ACSF2: variants seen among roughly 807,000 people sequenced by gnomAD.
ACSF2 encodes the protein acyl-CoA synthetase family member 2, also known as medium-chain acyl-CoA ligase ACSF2, mitochondrial.
A neutral mutation model predicts 79.3 loss-of-function variants in ACSF2; 52 were observed. The ratio of observed to expected loss-of-function variants is 0.66; its 90% CI spans 0.53 to 0.83. The LOEUF is 0.83. Ranked by LOEUF, ACSF2 falls within the 40% of genes least tolerant of loss-of-function variation. The probability of loss-of-function intolerance (pLI) is 0.00; values close to 1 mark genes in which losing one functional copy is unlikely to be tolerated. For synonymous variants in ACSF2, 283 were observed against 312.6 expected (o/e 0.91, Z 1.00); for missense variants, 661 against 803.3 (o/e 0.82, Z 2.14).
At position 50,461,803 on chromosome 17, in the gene ACSF2, A is replaced by C. The variant is rs1163011284; in HGVS notation, c.507+117A>C. The C allele has an allele frequency of 3.8e-6, 5 of 1,317,488 alleles. No homozygotes were observed. The African/African-American group carries it at 5.9e-5, about 15-fold the overall frequency. The allele number at this position is 1,317,488 out of a possible 1,614,324, so 81.6% of individuals were successfully genotyped here. ...GGGCATGCATAGGCGGGTGATACGC[A>C]GAGTGTCCTTCCTTAGGCCATGTGT... On this transcript the variant is annotated intron_variant, in intron 4 of 15. Coordinates refer to ENST00000300441, the MANE Select transcript of ACSF2 (RefSeq NM_025149.6).
intron 1 of ACSF2, among the ~76,000 whole-genome samples, chr17:50,431,626 C>T (rs2029934908): frequency 1.3e-5 from 2 of 152,210 alleles, no homozygotes; most frequent in Admixed American, 6.5e-5. Context: ...TCCCAAGTAG[C>T]TAGGACTACA....
Position 50,443,327 on chromosome 17 carries a change from A to G in ACSF2, c.128+16938A>G, listed in dbSNP as rs183802043. On this transcript the variant is annotated intron_variant, in intron 1 of 15. Transcript: ENST00000300441. Reference sequence around the variant, plus strand: ...GATTCTCCATGGCAGACCTGTTTCAAAAGGTATGCATATTCAGAATGTTAG... The same window carrying G: ...GATTCTCCATGGCAGACCTGTTTCAGAAGGTATGCATATTCAGAATGTTAG... 2.2e-3 allele frequency among the ~76,000 whole-genome samples: 333 copies of G among 152,354 alleles called. 1 individual carries two copies. The highest frequency in any genetic ancestry group is 7.6e-3 in the African/African-American group (318 of 41,586).
chr17:50,455,190 C>T (rs1487239006), intron 1 of ACSF2, among the ~76,000 whole-genome samples: 1 of 152,170 alleles, frequency 6.6e-6, no homozygotes, highest in African/African-American at 2.4e-5. Context: ...ACCATGTTGG[C>T]CTGGCTGGTC....
At position 50,463,151 on chromosome 17, in the gene ACSF2, G is replaced by T; in HGVS notation, c.793-5G>T. The T allele has an allele frequency of 6.2e-7, 1 of 1,613,494 alleles. No individual in the cohort carries two copies. The highest frequency in any genetic ancestry group is 1.7e-5 in the Admixed American group (1 of 60,014). ...GGCCAAGCCATGCCCTGTTTGCCTT[G>T]TCAGGGGACAACAGGCAGCCCCAAG... is the stretch of plus-strand genomic sequence containing the variant. On this transcript the variant is annotated splice_polypyrimidine_tract_variant and splice_region_variant and intron_variant, in intron 6 of 15. Transcript: ENST00000300441. The surrounding 1 kb of genome is among the most constrained non-coding windows in gnomAD (Gnocchi z 4.6).
intron 10 of ACSF2, chr17:50,468,999 GC>G: frequency 7.4e-7 from 1 of 1,359,190 alleles, no homozygotes; most frequent in East Asian, 2.9e-5. Context: ...CCAGAGATGC[GC>G]CCCCGCCCTC....
intron 1 of ACSF2, among the ~76,000 whole-genome samples, chr17:50,451,888 A>G (rs1045497946): frequency 2.0e-5 from 3 of 152,184 alleles, no homozygotes; most frequent in African/African-American, 7.2e-5. Context: ...TAATTGAGTC[A>G]TTATGTGCAT....
At chr17:50,464,775 G>GC (rs1555611954) in intron 10 of ACSF2, 1 of 332,208 alleles carries the variant, frequency 3.0e-6, no homozygotes, top group South Asian at 2.2e-5. Flanking sequence ...GACTTGGGGG[G>GC]GGGGTCTCAG....
In ACSF2 at chr17:50,459,539, T is replaced by G. The variant is rs142261533; in HGVS notation, c.129-1138T>G. Among the ~76,000 whole-genome samples, 365 of 152,306 alleles carry G rather than the reference T, an allele frequency of 2.4e-3. 12 individuals are homozygous for G. Among genetic ancestry groups the G allele is most frequent in the Admixed American group, 0.022 (331 of 15,288 alleles). On this transcript the variant is annotated intron_variant, in intron 1 of 15. Coordinates refer to ENST00000300441, the MANE Select transcript of ACSF2 (RefSeq NM_025149.6). ...AAGACTTTACAGGTGTGAGCCACCA[T>G]GCCTGGCTCAGGTGCCACAGTTAAT... is the stretch of plus-strand genomic sequence containing the variant.
At chr17:50,454,169 ATTTTTTTTTTTTT>A (rs34569538) in intron 1 of ACSF2, among the ~76,000 whole-genome samples, 1 of 113,074 alleles carries the variant, frequency 8.8e-6, no homozygotes, top group Non-Finnish European at 1.8e-5. Flanking sequence ...ACCGTCCCAA[ATTTTTTTTTTTTT>A]TTTTTTTTTT....
chr17:50,460,521 TGG>T, intron 1 of ACSF2, 154 bp from the exon 2 acceptor site: 1 of 676,624 alleles, frequency 1.5e-6, no homozygotes, highest in Non-Finnish European at 2.5e-6. Context: ...GAAAAGGGTC[TGG>T]GGGATTTTAG....
chr17:50,466,774 C>T (rs942431673), intron 10 of ACSF2, among the ~76,000 whole-genome samples: 3 of 152,238 alleles, frequency 2.0e-5, no homozygotes, highest in Non-Finnish European at 4.4e-5. Flanking sequence ...GGTGCCCACA[C>T]CTTTGCCCAG....
rs777626653 is a variant in ACSF2 at position 50,460,782 on chromosome 17, G to A, written c.234G>A (p.Leu78=). The stretch of plus-strand genomic sequence containing the variant: ...ACAGCAAGACTGTGGGCCAGTGCCT[G>A]GAGACCACAGCACAGAGGGTCCCAG... The part of the protein sequence containing the change: ...HLNSKTVGQC[L]ETTAQRVPER... The change falls in exon 2 of 16, where the codon CTG becomes CTA. Residue 78 remains leucine, a synonymous_variant. Coordinates refer to ENST00000300441, the MANE Select transcript of ACSF2 (RefSeq NM_025149.6). The A allele has an allele frequency of 1.7e-5, 27 of 1,613,010 alleles. No homozygotes were observed. The highest frequency in any genetic ancestry group is 2.3e-5 in the Non-Finnish European group (27 of 1,179,506).
chr17:50,465,468 G>A, intron 10 of ACSF2: 1 of 1,612,398 alleles, frequency 6.2e-7, no homozygotes, highest in Non-Finnish European at 8.5e-7. Context: ...GCTGGGGCTG[G>A]GGAAGAAGGT....
At chr17:50,472,642 G>A (rs2033175256) in intron 12 of ACSF2, 63 bp downstream of exon 12, 1 of 1,533,594 alleles carries the variant, frequency 6.5e-7, no homozygotes, top group South Asian at 1.3e-5. Flanking sequence ...TCTTGAGGCT[G>A]AGCCGGGAAC....
chr17:50,453,251 C>T (rs1022564030), intron 1 of ACSF2, among the ~76,000 whole-genome samples: 51 of 151,986 alleles, frequency 3.4e-4, no homozygotes, highest in African/African-American at 1.2e-3. Context: ...CTCTGTGGGC[C>T]AGGCTGGAGT....
intron 1 of ACSF2, among the ~76,000 whole-genome samples, chr17:50,436,286 C>T (rs533911767): frequency 1.4e-4 from 21 of 151,896 alleles, no homozygotes; most frequent in African/African-American, 2.2e-4. Context: ...CCTGCCACCA[C>T]GCCTGGCTAA....
chr17:50,474,171 G>A lies in ACSF2; in HGVS notation c.1729-28G>A, dbSNP rs768211184. 13 of 1,613,830 alleles carry A rather than the reference G, an allele frequency of 8.1e-6. No homozygotes were observed. The highest frequency in any genetic ancestry group is 6.7e-5 in the African/African-American group (5 of 74,910). ...CCCCTGTGAGCTTGCGCAGCCTCAC[G>A]CCTTACCTCCCTCCCTCTGGTCTGC... is the stretch of plus-strand genomic sequence containing the variant. On this transcript the variant is annotated intron_variant, in intron 14 of 15. Coordinates refer to ENST00000300441, the MANE Select transcript of ACSF2 (RefSeq NM_025149.6). The surrounding 1 kb of genome is among the most constrained non-coding windows in gnomAD (Gnocchi z 4.2).
intron 1 of ACSF2, among the ~76,000 whole-genome samples, chr17:50,451,150 A>G (rs147650314): frequency 6.0e-4 from 92 of 152,186 alleles, no homozygotes; most frequent in African/African-American, 2.1e-3. Flanking sequence ...TGTTGCCCAG[A>G]CTAGTCTCAA....
At position 50,474,747 on chromosome 17, in the gene ACSF2, G is replaced by A; in HGVS notation, c.*195G>A. On this transcript the variant is annotated 3_prime_UTR_variant, in exon 16 of 16. Transcript: ENST00000300441. The surrounding 1 kb of genome is among the most constrained non-coding windows in gnomAD (Gnocchi z 4.2). ...CTGGGCACAAGGTGCCAAAAGGCAGGCAGCCTGCCCAGGCCCTCCCTCCTG... is the reference window on the plus strand; with the variant it reads ...CTGGGCACAAGGTGCCAAAAGGCAGACAGCCTGCCCAGGCCCTCCCTCCTG... The A allele has an allele frequency of 1.7e-6, 1 of 593,374 alleles. No individual in the cohort carries two copies. Among genetic ancestry groups the A allele is most frequent in the Non-Finnish European group, 2.9e-6 (1 of 339,292 alleles). The allele number at this position is 593,374 out of a possible 1,614,324, so 36.8% of individuals were successfully genotyped here.
Sources: gnomAD v4.1 joint callset for allele counts (sites outside exome capture counted in the v4.1 genomes callset) on GRCh38, gnomAD v4.1.1 for gene constraint, Gnocchi (gnomAD v3.1) non-coding constraint, MANE v1.5 for transcripts, NCBI Gene and HGNC (gene_info 2026-07-23, HGNC 2026-07-21) for gene names.